The following GLIS3 variants were observed in gnomAD, a reference collection of about 807,000 sequenced individuals.
The protein encoded by GLIS3 is zinc finger protein GLIS3.
GLIS3 carries 53 observed loss-of-function variants against 78.6 expected under a neutral mutation model. The observed-to-expected ratio is 0.67, with a 90% CI of 0.54 to 0.85. GLIS3 has a LOEUF of 0.85. Among genes scored for constraint, GLIS3 ranks in the 40% least tolerant of loss-of-function variants. GLIS3 has a pLI of 0.00. For missense variants in GLIS3, 1,703 were observed against 1,231.1 expected (o/e 1.38, Z -5.74); for synonymous variants, 684 against 509.9 (o/e 1.34, Z -4.60).
intron 2 of GLIS3, among the ~76,000 whole-genome samples, chr9:4,144,622 C>A (rs1834068629): frequency 6.6e-6 from 1 of 152,074 alleles, no homozygotes; most frequent in African/African-American, 2.4e-5. Context: ...ACATTTTTCA[C>A]TTATGAATAA....
intron 4 of GLIS3, among the ~76,000 whole-genome samples, chr9:4,306,881 G>T (rs915861883): frequency 6.6e-6 from 1 of 152,200 alleles, no homozygotes; most frequent in African/African-American, 2.4e-5. Context: ...TTAGATTCTA[G>T]ACTGAATTTA....
the GLIS3 span, among the ~76,000 whole-genome samples, chr9:4,392,667 G>A: frequency 6.6e-5 from 10 of 152,220 alleles, no homozygotes; most frequent in East Asian, 1.9e-3. Flanking sequence ...AGCAGCTTTT[G>A]AAGTATTAAA....
At chr9:4,354,943 C>T in the GLIS3 span, among the ~76,000 whole-genome samples, 2 of 151,908 alleles carry the variant, frequency 1.3e-5, no homozygotes, top group Non-Finnish European at 2.9e-5. Context: ...GGCGAAACCC[C>T]ATCTCTACTA....
intron 4 of GLIS3, among the ~76,000 whole-genome samples, chr9:4,090,067 AG>A (rs928664541): frequency 6.6e-6 from 1 of 152,124 alleles, no homozygotes; most frequent in Admixed American, 6.5e-5. Flanking sequence ...CAGGGACTGC[AG>A]GGGGTATGAT....
Position 4,045,625 on chromosome 9 carries a change from C to T in GLIS3, c.1710+72143G>A, listed in dbSNP as rs532119829. On this transcript the variant is annotated intron_variant, in intron 4 of 10. Coordinates refer to ENST00000381971, the MANE Select transcript of GLIS3 (RefSeq NM_001042413.2). ...GTGCTGACATTACAGATGTGAGCCA[C>T]CCCACCCAGCTGAACTTTTCTTTTG... Among the ~76,000 whole-genome samples, 7 of 152,200 alleles carry T rather than the reference C, an allele frequency of 4.6e-5. No individual in the cohort carries two copies. In the East Asian group the frequency reaches 1.4e-3, roughly 29 times the overall value.
intron 2 of GLIS3, among the ~76,000 whole-genome samples, chr9:4,279,568 A>G (rs992975791): frequency 6.6e-5 from 10 of 152,062 alleles, no homozygotes; most frequent in Admixed American, 2.0e-4. Context: ...TGTATTGTGA[A>G]AACCTGGGAG....
chr9:4,384,896 C>T, the GLIS3 span, among the ~76,000 whole-genome samples: 11 of 152,134 alleles, frequency 7.2e-5, no homozygotes, highest in Non-Finnish European at 1.5e-4. Flanking sequence ...TGGAGCCAGA[C>T]ACTGTTGCAC....
intron 8 of GLIS3, among the ~76,000 whole-genome samples, chr9:3,877,912 G>T (rs1020403113): frequency 6.6e-6 from 1 of 152,020 alleles, no homozygotes; most frequent in Non-Finnish European, 1.5e-5. Flanking sequence ...TCTTAACAAA[G>T]AGCCTATAAT....
At chr9:3,916,190 T>G (rs992014597) in intron 6 of GLIS3, among the ~76,000 whole-genome samples, 3 of 152,204 alleles carry the variant, frequency 2.0e-5, no homozygotes, top group African/African-American at 4.8e-5. Flanking sequence ...GCACATGCCT[T>G]TGTGAAACTC....
chr9:4,315,330 G>C (rs541855253), intron 2 of GLIS3, among the ~76,000 whole-genome samples: 3 of 152,260 alleles, frequency 2.0e-5, no homozygotes, highest in East Asian at 1.9e-4. Context: ...GCCTGAGACT[G>C]AATGGTTTGC....
At chr9:3,839,261 T>C (rs1453337164) in intron 9 of GLIS3, among the ~76,000 whole-genome samples, 1 of 152,224 alleles carries the variant, frequency 6.6e-6, no homozygotes. Flanking sequence ...CCAACCATTC[T>C]AATATTTCTA....
At chr9:3,877,561 C>T (rs1278249483) in intron 8 of GLIS3, among the ~76,000 whole-genome samples, 1 of 152,222 alleles carries the variant, frequency 6.6e-6, no homozygotes, top group Non-Finnish European at 1.5e-5. Flanking sequence ...CTCCACTCAA[C>T]ATTGTTTTTT....
intron 2 of GLIS3, among the ~76,000 whole-genome samples, chr9:4,319,706 G>A (rs1344785439): frequency 1.3e-5 from 2 of 151,896 alleles, no homozygotes; most frequent in African/African-American, 4.8e-5. Flanking sequence ...ATTTTATTTT[G>A]GGAGGTAGAG....
At chr9:4,298,914 G>A (rs990155710) in intron 1 of GLIS3, among the ~76,000 whole-genome samples, 7 of 152,154 alleles carry the variant, frequency 4.6e-5, no homozygotes, top group African/African-American at 1.7e-4. Context: ...CCACAAACAC[G>A]TGGAACTTGA....
the GLIS3 span, among the ~76,000 whole-genome samples, chr9:4,456,740 C>T: frequency 1.3e-5 from 2 of 152,154 alleles, no homozygotes; most frequent in African/African-American, 4.8e-5. Flanking sequence ...AACTTCAATA[C>T]TGTTGTGTTT....
chr9:4,371,076 C>T, the GLIS3 span, among the ~76,000 whole-genome samples: 1 of 152,120 alleles, frequency 6.6e-6, no homozygotes, highest in South Asian at 2.1e-4. Flanking sequence ...CTTGTATTGT[C>T]TAAAATTCTA....
At chr9:4,307,497 C>T (rs1817257304) in intron 4 of GLIS3, among the ~76,000 whole-genome samples, 1 of 152,070 alleles carries the variant, frequency 6.6e-6, no homozygotes, top group Non-Finnish European at 1.5e-5. Flanking sequence ...CTCTGTGAGG[C>T]TTTCTCTGAT....
chr9:3,920,757 T>C (rs1824833590), intron 6 of GLIS3, among the ~76,000 whole-genome samples: 1 of 152,192 alleles, frequency 6.6e-6, no homozygotes, highest in Non-Finnish European at 1.5e-5. Flanking sequence ...CTTTGCACTA[T>C]TATCTCAAAA....
chr9:4,230,982 T>C (rs779798303), intron 2 of GLIS3, among the ~76,000 whole-genome samples: 42 of 152,206 alleles, frequency 2.8e-4, no homozygotes, highest in Non-Finnish European at 4.9e-4. Context: ...TGGAGTGGGA[T>C]GATCACTTGA....
Sources: gnomAD v4.1 joint callset for allele counts (sites outside exome capture counted in the v4.1 genomes callset) on GRCh38, gnomAD v4.1.1 for gene constraint, MANE v1.5 for transcripts, NCBI Gene and HGNC (gene_info 2026-07-23, HGNC 2026-07-21) for gene names.